NRXN1: variants seen among roughly 807,000 people sequenced by gnomAD.
The protein encoded by NRXN1 is neurexin 1, also known as neurexin-1.
NRXN1 carries 39 observed loss-of-function variants against 150.9 expected under a neutral mutation model. The ratio of observed to expected loss-of-function variants is 0.26; its 90% CI spans 0.20 to 0.34. NRXN1 has a LOEUF of 0.34. Ranked by LOEUF, NRXN1 falls within the 10% of genes least tolerant of loss-of-function variation. NRXN1 has a pLI of 1.00. For missense variants in NRXN1, 1,815 were observed against 1,949.9 expected, an observed-to-expected ratio of 0.93 and a Z score of 1.30; for synonymous variants, 924 against 757.0, an observed-to-expected ratio of 1.22 and a Z score of -3.62.
At chr2:50,812,270 C>G (rs1332957668) in intron 5 of NRXN1, among the ~76,000 whole-genome samples, 2 of 152,092 alleles carry the variant, frequency 1.3e-5, no homozygotes, top group Non-Finnish European at 2.9e-5. Flanking sequence ...GCAACATGTT[C>G]TTGCCAAGAT....
intron 5 of NRXN1, among the ~76,000 whole-genome samples, chr2:50,846,115 TA>T: frequency 6.6e-6 from 1 of 152,298 alleles, no homozygotes; most frequent in African/African-American, 2.4e-5. Context: ...AGAATCAACT[TA>T]AAAAATTTTT....
chr2:50,921,225 C>T (rs1388041751), intron 5 of NRXN1, among the ~76,000 whole-genome samples: 1 of 151,778 alleles, frequency 6.6e-6, no homozygotes, highest in Non-Finnish European at 1.5e-5. Flanking sequence ...ACACATGCTT[C>T]TGGATTTCGT....
intron 17 of NRXN1, among the ~76,000 whole-genome samples, chr2:50,316,031 C>T (rs897338619): frequency 2.6e-5 from 4 of 152,000 alleles, no homozygotes; most frequent in African/African-American, 2.4e-5. Flanking sequence ...TGGTAGTATG[C>T]CTGATAATGC....
intron 21 of NRXN1, among the ~76,000 whole-genome samples, chr2:50,038,169 ATCACATCAGT>A (rs1319563195): frequency 1.3e-5 from 2 of 152,206 alleles, no homozygotes; most frequent in Non-Finnish European, 2.9e-5. Context: ...TACATAAAAA[ATCACATCAGT>A]TGACATCCCT....
intron 17 of NRXN1, among the ~76,000 whole-genome samples, chr2:50,431,310 T>A (rs1365147513): frequency 6.6e-6 from 1 of 152,214 alleles, no homozygotes; most frequent in African/African-American, 2.4e-5. Context: ...TTTTCCTAAA[T>A]GACTTCTTTG....
intron 12 of NRXN1, among the ~76,000 whole-genome samples, chr2:50,517,090 C>A (rs1031096663): frequency 6.6e-6 from 1 of 152,072 alleles, no homozygotes; most frequent in Non-Finnish European, 1.5e-5. Context: ...TTTCTGCATG[C>A]CTCAGTATCC....
intron 17 of NRXN1, among the ~76,000 whole-genome samples, chr2:50,251,946 T>C (rs993472865): frequency 4.6e-5 from 7 of 152,166 alleles, no homozygotes; most frequent in African/African-American, 9.6e-5. Flanking sequence ...CTTTGTCAGA[T>C]GGATAGATTG....
At chr2:50,163,854 T>C (rs2059514233) in intron 18 of NRXN1, among the ~76,000 whole-genome samples, 1 of 152,184 alleles carries the variant, frequency 6.6e-6, no homozygotes, top group Non-Finnish European at 1.5e-5. Context: ...ACCAAGTTCA[T>C]AAGCAAGATG....
intron 5 of NRXN1, among the ~76,000 whole-genome samples, chr2:50,767,979 A>C (rs76317829): frequency 0.078 from 11,937 of 152,198 alleles, 599 homozygotes; most frequent in Middle Eastern, 0.15. Context: ...ATCAAATAGT[A>C]CAACTCTGGC....
chr2:49,960,519 A>C (rs762094102), intron 21 of NRXN1, among the ~76,000 whole-genome samples: 7 of 152,158 alleles, frequency 4.6e-5, no homozygotes, highest in Non-Finnish European at 7.3e-5. Flanking sequence ...ATATCACATT[A>C]ATTTCCTCAT....
chr2:50,942,363 T>C (rs1244737930), intron 2 of NRXN1, among the ~76,000 whole-genome samples: 1 of 150,600 alleles, frequency 6.6e-6, no homozygotes, highest in African/African-American at 2.4e-5. Context: ...CCTAGTGGAG[T>C]TGTGAGAAGG....
At chr2:50,474,125 G>A (rs950149000) in intron 15 of NRXN1, among the ~76,000 whole-genome samples, 3 of 151,700 alleles carry the variant, frequency 2.0e-5, no homozygotes, top group Non-Finnish European at 2.9e-5. Flanking sequence ...GTCAGAGAGG[G>A]GATACTATTT....
At chr2:50,811,119 C>T (rs1364342185) in intron 5 of NRXN1, among the ~76,000 whole-genome samples, 2 of 152,082 alleles carry the variant, frequency 1.3e-5, no homozygotes, top group Admixed American at 6.6e-5. Flanking sequence ...TATAGTTGAC[C>T]TGCAGATAAA....
At chr2:50,015,544 AGAC>A (rs1431089988) in intron 21 of NRXN1, among the ~76,000 whole-genome samples, 6 of 129,222 alleles carry the variant, frequency 4.6e-5, no homozygotes, top group Admixed American at 8.4e-5. Flanking sequence ...AAAAAAAAAA[AGAC>A]CTGGGCTTGG....
intron 17 of NRXN1, among the ~76,000 whole-genome samples, chr2:50,298,417 G>A (rs1457126212): frequency 6.6e-6 from 1 of 152,144 alleles, no homozygotes; most frequent in Non-Finnish European, 1.5e-5. Flanking sequence ...TTGCCAGGAT[G>A]AGGAAACCCA....
At chr2:50,135,520 T>C (rs1392406900) in intron 18 of NRXN1, among the ~76,000 whole-genome samples, 1 of 151,902 alleles carries the variant, frequency 6.6e-6, no homozygotes, top group African/African-American at 2.4e-5. Context: ...GTGAAACCCA[T>C]CTCTACTAAA....
At chr2:50,214,097 A>G (rs895017745) in intron 18 of NRXN1, among the ~76,000 whole-genome samples, 1 of 151,866 alleles carries the variant, frequency 6.6e-6, no homozygotes, top group Non-Finnish European at 1.5e-5. Context: ...CTTGGATTTG[A>G]TACTTCATTC....
chr2:50,176,457 C>T (rs1167684046), intron 18 of NRXN1, among the ~76,000 whole-genome samples: 1 of 152,046 alleles, frequency 6.6e-6, no homozygotes, highest in South Asian at 2.1e-4. Flanking sequence ...TAATGGCATG[C>T]CTGGCCTCGA....
At chr2:50,704,789 T>G (rs2104991280) in intron 5 of NRXN1, among the ~76,000 whole-genome samples, 2 of 151,928 alleles carry the variant, frequency 1.3e-5, no homozygotes, top group Middle Eastern at 6.8e-3. Context: ...ATGAAAGAAA[T>G]AAGAAAATAT....
Sources: allele counts gnomAD v4.1 joint callset (sites outside exome capture counted in the v4.1 genomes callset), GRCh38; gene constraint gnomAD v4.1.1; transcripts MANE v1.5; gene names NCBI Gene and HGNC (gene_info 2026-07-23, HGNC 2026-07-21).